TMEM135: variants seen among roughly 807,000 people sequenced by gnomAD.
The protein encoded by TMEM135 is transmembrane protein 135, also known as peroxisomal membrane protein 52.
In TMEM135, 30 loss-of-function variants were observed where a neutral mutation model predicts 60.3. That is an observed-to-expected ratio of 0.50 (90% confidence interval 0.37 to 0.68). The LOEUF (loss-of-function observed/expected upper bound fraction) is 0.68. Among genes scored for constraint, TMEM135 ranks in the 30% least tolerant of loss-of-function variants. TMEM135 has a pLI of 0.00. For synonymous variants in TMEM135, 190 were observed against 186.7 expected (o/e 1.02, Z -0.14); for missense variants, 468 against 548.8 (o/e 0.85, Z 1.47).
At chr11:87,129,519 A>G (rs1259605303) in intron 4 of TMEM135, among the ~76,000 whole-genome samples, 1 of 148,736 alleles carries the variant, frequency 6.7e-6, no homozygotes, top group Admixed American at 6.7e-5. Context: ...CTGGGATTAC[A>G]GGCGTGATCC....
At chr11:87,255,173 T>A (rs1193291533) in intron 6 of TMEM135, among the ~76,000 whole-genome samples, 2 of 152,010 alleles carry the variant, frequency 1.3e-5, no homozygotes, top group African/African-American at 4.8e-5. Context: ...CAAAAAGGGA[T>A]CTTGGAGTAT....
At chr11:87,307,070 T>A (rs1224520768) in intron 9 of TMEM135, among the ~76,000 whole-genome samples, 1 of 152,094 alleles carries the variant, frequency 6.6e-6, no homozygotes, top group Non-Finnish European at 1.5e-5. Flanking sequence ...TGTAGAAAGT[T>A]TATGTTCTTC....
At chr11:87,070,115 G>C (rs376456547) in intron 2 of TMEM135, among the ~76,000 whole-genome samples, 12 of 152,186 alleles carry the variant, frequency 7.9e-5, no homozygotes, top group East Asian at 7.7e-4. Context: ...TCGGGCTACA[G>C]TGAACCATGA....
chr11:87,310,326 A>G (rs1942620308), intron 10 of TMEM135, among the ~76,000 whole-genome samples: 1 of 152,160 alleles, frequency 6.6e-6, no homozygotes, highest in Non-Finnish European at 1.5e-5. Context: ...GGCCTTTTGC[A>G]TAATGGAATC....
chr11:87,126,881 C>G (rs1937748872), intron 4 of TMEM135, among the ~76,000 whole-genome samples: 1 of 151,906 alleles, frequency 6.6e-6, no homozygotes, highest in Non-Finnish European at 1.5e-5. Context: ...AATTAAAAGT[C>G]AAAAGCAGGG....
chr11:87,064,894 A>T (rs771675978), intron 1 of TMEM135, among the ~76,000 whole-genome samples: 84 of 152,010 alleles, frequency 5.5e-4, no homozygotes, highest in Non-Finnish European at 9.4e-4. Flanking sequence ...CAAAAAAGAA[A>T]CCCAAAAAAA....
chr11:87,210,178 A>G (rs1591106177), intron 5 of TMEM135, among the ~76,000 whole-genome samples: 3 of 152,164 alleles, frequency 2.0e-5, no homozygotes, highest in Non-Finnish European at 4.4e-5. Context: ...AGCTGAACTG[A>G]ATGAAATTGA....
At chr11:87,189,193 C>G (rs1369501193) in intron 5 of TMEM135, among the ~76,000 whole-genome samples, 2 of 124,316 alleles carry the variant, frequency 1.6e-5, no homozygotes, top group Admixed American at 8.1e-5. Context: ...TTTCTTCTCA[C>G]TCTGCCTCCC....
intron 4 of TMEM135, among the ~76,000 whole-genome samples, chr11:87,102,730 A>ATATG (rs1565441807): frequency 0.2 from 21,803 of 109,652 alleles, 1,708 homozygotes; most frequent in Admixed American, 0.23. Flanking sequence ...ATATATATGT[A>ATATG]TATATATATG....
At chr11:87,318,738 T>G (rs1942772943) in intron 13 of TMEM135, among the ~76,000 whole-genome samples, 1 of 152,128 alleles carries the variant, frequency 6.6e-6, no homozygotes, top group Non-Finnish European at 1.5e-5. Flanking sequence ...TTGGGAAAAC[T>G]TTTATTTGCT....
rs117494877 is a variant in TMEM135, at chr11:87,321,811, T to A, written c.*478T>A. 2.2e-6 allele frequency: 1 copy of A among 454,548 alleles called. No homozygotes were observed. The highest frequency in any genetic ancestry group is 4.4e-6 in the Non-Finnish European group (1 of 226,800). The allele number at this position is 454,548 out of a possible 1,614,324, so 28.2% of individuals were successfully genotyped here. A position where few individuals can be genotyped will look rare whatever the true frequency, so the allele number is the denominator to read the frequency against. ...TGAATTGGTATCTGTAGTAGTGGAA[T>A]GTTATAGATTTGAAGTAACTCTCCA... is the stretch of plus-strand genomic sequence containing the variant. On this transcript the variant is annotated 3_prime_UTR_variant, in exon 15 of 15. Transcript: ENST00000305494.
chr11:87,122,470 A>ATTTATTTATTATTTT (rs1565450533), intron 4 of TMEM135, among the ~76,000 whole-genome samples: 1 of 144,914 alleles, frequency 6.9e-6, no homozygotes, highest in Admixed American at 6.8e-5. Flanking sequence ...TTTATTATTT[A>ATTTATTTATTATTTT]TTTTTTTTGA....
At chr11:87,192,765 A>G (rs553845933) in intron 5 of TMEM135, among the ~76,000 whole-genome samples, 6 of 152,322 alleles carry the variant, frequency 3.9e-5, no homozygotes, top group African/African-American at 1.2e-4. Flanking sequence ...ACCAGTTTAC[A>G]TATTTATAAG....
chr11:87,159,176 A>G (rs1938792331), intron 5 of TMEM135, among the ~76,000 whole-genome samples: 1 of 152,162 alleles, frequency 6.6e-6, no homozygotes, highest in Admixed American at 6.5e-5. Flanking sequence ...CTGGTTAACA[A>G]GTATTAGTGT....
At chr11:87,273,953 G>A (rs1370584067) in intron 6 of TMEM135, among the ~76,000 whole-genome samples, 2 of 152,132 alleles carry the variant, frequency 1.3e-5, no homozygotes, top group Admixed American at 6.5e-5. Context: ...TGCTAATTAT[G>A]TAGGTAGAGT....
chr11:87,122,874 C>T (rs966398494), intron 4 of TMEM135, among the ~76,000 whole-genome samples: 3 of 152,150 alleles, frequency 2.0e-5, no homozygotes, highest in Non-Finnish European at 2.9e-5. Flanking sequence ...GGTATTAATT[C>T]CTCCCTTAAA....
intron 5 of TMEM135, among the ~76,000 whole-genome samples, chr11:87,213,800 A>C (rs1234780308): frequency 2.0e-5 from 3 of 152,248 alleles, no homozygotes; most frequent in African/African-American, 7.2e-5. Context: ...ATAGAAGGTC[A>C]TTTGTGGACA....
At chr11:87,067,259 A>G (rs1856685213) in intron 1 of TMEM135, among the ~76,000 whole-genome samples, 1 of 149,746 alleles carries the variant, frequency 6.7e-6, no homozygotes, top group African/African-American at 2.4e-5. Flanking sequence ...CACAGAAGTC[A>G]AGTTTGAATA....
intron 6 of TMEM135, among the ~76,000 whole-genome samples, chr11:87,248,355 C>T (rs1257138315): frequency 6.6e-6 from 1 of 152,190 alleles, no homozygotes; most frequent in Non-Finnish European, 1.5e-5. Context: ...CATCTTCTCA[C>T]AGCATTTGTT....
Sources: gnomAD v4.1 joint callset for allele counts (sites outside exome capture counted in the v4.1 genomes callset) on GRCh38, gnomAD v4.1.1 for gene constraint, MANE v1.5 for transcripts, NCBI Gene and HGNC (gene_info 2026-07-23, HGNC 2026-07-21) for gene names.